The following SH3RF1 variants were observed in gnomAD, a reference collection of about 807,000 sequenced individuals.
SH3RF1 encodes the protein E3 ubiquitin-protein ligase SH3RF1.
In SH3RF1, 32 loss-of-function variants were observed where a neutral mutation model predicts 74.0. The observed-to-expected ratio is 0.43, with a 90% confidence interval of 0.33 to 0.58. The LOEUF is 0.58. SH3RF1 is among the 20% of genes least tolerant of loss of function. SH3RF1 has a pLI of 0.05. For missense variants in SH3RF1, 954 were observed against 1,130.9 expected, an observed-to-expected ratio of 0.84 and a Z score of 2.24; for synonymous variants, 396 against 439.6, an observed-to-expected ratio of 0.90 and a Z score of 1.24.
At chr4:169,236,345 C>T (rs1730823556) in intron 2 of SH3RF1, among the ~76,000 whole-genome samples, 1 of 152,198 alleles carries the variant, frequency 6.6e-6, no homozygotes. Flanking sequence ...GAGCCTTTGT[C>T]GGCTGGGTCT....
chr4:169,248,570 G>C (rs1194280873), intron 2 of SH3RF1, among the ~76,000 whole-genome samples: 1 of 152,092 alleles, frequency 6.6e-6, no homozygotes, highest in East Asian at 1.9e-4. Context: ...TGGGTTGATG[G>C]GTGTAGCAAA....
intron 2 of SH3RF1, among the ~76,000 whole-genome samples, chr4:169,212,064 T>TC (rs1730385449): frequency 7.5e-6 from 1 of 132,758 alleles, no homozygotes; most frequent in East Asian, 2.1e-4. Context: ...TTTCTTTTTT[T>TC]TTTTTTTTTT....
chr4:169,241,295 A>G (rs1730906374), intron 2 of SH3RF1, among the ~76,000 whole-genome samples: 1 of 152,242 alleles, frequency 6.6e-6, no homozygotes, highest in Admixed American at 6.5e-5. Flanking sequence ...AAAAGTATCC[A>G]AGTTTACACA....
rs149266412 is a variant in SH3RF1, at chr4:169,121,952, T to A, written c.1346+148A>T. On this transcript the variant is annotated intron_variant, in intron 7 of 11. Transcript: ENST00000284637. ...TTCAGCAGTTCCCTAGTTACATGCATGACCAGGTAGAAGTTTGCAGGACAC... is the reference window on the plus strand; with the variant it reads ...TTCAGCAGTTCCCTAGTTACATGCAAGACCAGGTAGAAGTTTGCAGGACAC... 1,391 of 963,398 alleles carry A rather than the reference T, an allele frequency of 1.4e-3. 22 individuals carry two copies. In the African/African-American group the frequency reaches 0.021, roughly 15 times the overall value. The allele number at this position is 963,398 out of a possible 1,614,324, so 59.7% of individuals were successfully genotyped here. A position where few individuals can be genotyped will look rare whatever the true frequency, so the allele number is the denominator to read the frequency against.
At chr4:169,205,308 A>T (rs981170781) in intron 2 of SH3RF1, among the ~76,000 whole-genome samples, 1 of 152,234 alleles carries the variant, frequency 6.6e-6, no homozygotes, top group Non-Finnish European at 1.5e-5. Context: ...ATCAGGTCAA[A>T]ATTAACACCA....
At chr4:169,133,676 C>T (rs1733652562) in intron 5 of SH3RF1, among the ~76,000 whole-genome samples, 1 of 151,932 alleles carries the variant, frequency 6.6e-6, no homozygotes, top group Admixed American at 6.6e-5. Context: ...ACTTGGGAGG[C>T]TGAGGCAGGA....
intron 2 of SH3RF1, among the ~76,000 whole-genome samples, chr4:169,223,793 A>G (rs991488967): frequency 5.3e-5 from 8 of 152,242 alleles, no homozygotes; most frequent in Non-Finnish European, 1.5e-5. Context: ...TAGGTAATCA[A>G]TAAGAATGTG....
At chr4:169,175,055 C>T (rs746879139) in intron 2 of SH3RF1, among the ~76,000 whole-genome samples, 7 of 152,312 alleles carry the variant, frequency 4.6e-5, no homozygotes, top group Non-Finnish European at 2.9e-5. Context: ...AAATAGCCCA[C>T]TGTTCACCTC....
chr4:169,227,574 AAAC>A (rs1326262320), intron 2 of SH3RF1, among the ~76,000 whole-genome samples: 1 of 141,172 alleles, frequency 7.1e-6, no homozygotes, highest in Non-Finnish European at 1.5e-5. Context: ...TGATATTCTG[AAAC>A]AACATTTGGC....
chr4:169,214,344 C>G (rs1579142173), intron 2 of SH3RF1, among the ~76,000 whole-genome samples: 4 of 152,330 alleles, frequency 2.6e-5, no homozygotes, highest in East Asian at 1.9e-4. Flanking sequence ...CAGATGCCGG[C>G]ACCATGCTTC....
chr4:169,174,353 A>G (rs2660429), intron 2 of SH3RF1, among the ~76,000 whole-genome samples: 90,463 of 152,108 alleles, frequency 0.59, 27,815 homozygotes, highest in East Asian at 0.78. Flanking sequence ...GTGAGCCATC[A>G]TGCCAGGCCA....
intron 4 of SH3RF1, among the ~76,000 whole-genome samples, chr4:169,140,989 T>C (rs1482432534): frequency 6.6e-6 from 1 of 150,954 alleles, no homozygotes; most frequent in African/African-American, 2.4e-5. Context: ...TCTTTTCTTT[T>C]TTTTTTTTTT....
At chr4:169,186,748 TGTAATCCCAGCACTTTGGGA>T (rs1734610758) in intron 2 of SH3RF1, among the ~76,000 whole-genome samples, 1 of 151,312 alleles carries the variant, frequency 6.6e-6, no homozygotes, top group Non-Finnish European at 1.5e-5. Context: ...GGCTCATGCC[TGTAATCCCAGCACTTTGGGA>T]GGCTGAGGCA....
At chr4:169,220,796 T>C (rs569230783) in intron 2 of SH3RF1, among the ~76,000 whole-genome samples, 14 of 152,376 alleles carry the variant, frequency 9.2e-5, no homozygotes, top group African/African-American at 3.1e-4. Flanking sequence ...TGAAATTACA[T>C]GGAAATGCAA....
At chr4:169,224,794 G>C (rs779335010) in intron 2 of SH3RF1, among the ~76,000 whole-genome samples, 12 of 152,322 alleles carry the variant, frequency 7.9e-5, no homozygotes, top group South Asian at 4.1e-4. Flanking sequence ...CTTGAAGACT[G>C]AGCCATCAGG....
At chr4:169,153,682 G>A (rs1734007699) in intron 4 of SH3RF1, among the ~76,000 whole-genome samples, 1 of 152,334 alleles carries the variant, frequency 6.6e-6, no homozygotes, top group Non-Finnish European at 1.5e-5. Context: ...CTACCAGGAA[G>A]TTCAATCTGA....
At chr4:169,147,841 A>G (rs1034397121) in intron 4 of SH3RF1, among the ~76,000 whole-genome samples, 3 of 152,200 alleles carry the variant, frequency 2.0e-5, no homozygotes, top group African/African-American at 7.2e-5. Context: ...TCTTTTTTAC[A>G]CGATATAAGA....
chr4:169,213,412 A>T lies in SH3RF1; in HGVS notation c.393+55408T>A, dbSNP rs1188746462. On this transcript the variant is annotated intron_variant, in intron 2 of 11. Coordinates refer to ENST00000284637, the MANE Select transcript of SH3RF1 (RefSeq NM_020870.4). ...GTTTTAACAGTTCTTTGTACATTGTACATTTTAGCTAACAGTCTTTTATCA... is the reference window on the plus strand; with the variant it reads ...GTTTTAACAGTTCTTTGTACATTGTTCATTTTAGCTAACAGTCTTTTATCA... Among the ~76,000 whole-genome samples, 3 of 152,236 alleles carry T rather than the reference A, an allele frequency of 2.0e-5. No individual in the cohort carries two copies. In the East Asian group the frequency reaches 5.8e-4, roughly 29 times the overall value.
intron 10 of SH3RF1, 114 bp downstream of exon 10, chr4:169,116,155 T>G: frequency 6.8e-7 from 1 of 1,470,198 alleles, no homozygotes. Flanking sequence ...AGGGAGCACC[T>G]GAGGGTTTGT....
Sources: gnomAD v4.1 joint callset for allele counts (sites outside exome capture counted in the v4.1 genomes callset) on GRCh38, gnomAD v4.1.1 for gene constraint, MANE v1.5 for transcripts, NCBI Gene and HGNC (gene_info 2026-07-23, HGNC 2026-07-21) for gene names.